Variants in RBFOX1 observed in about 807,000 individuals in gnomAD.
RBFOX1 encodes RNA binding protein fox-1 homolog 1.
A neutral mutation model predicts 57.7 loss-of-function variants in RBFOX1; 8 were observed. The ratio of observed to expected loss-of-function variants is 0.14; its 90% confidence interval spans 0.08 to 0.25. RBFOX1 has a LOEUF of 0.25. Ranked by LOEUF, RBFOX1 falls within the 10% of genes least tolerant of loss-of-function variation. The probability of loss-of-function intolerance (pLI) is 1.00; values close to 1 mark genes in which losing one functional copy is unlikely to be tolerated. For synonymous variants in RBFOX1, 326 were observed against 222.4 expected (o/e 1.47, Z -4.15); for missense variants, 611 against 548.5 (o/e 1.11, Z -1.14).
chr16:7,410,893 CTAA>C (rs1475358654), intron 4 of RBFOX1, among the ~76,000 whole-genome samples: 1 of 150,736 alleles, frequency 6.6e-6, no homozygotes, highest in African/African-American at 2.5e-5. Flanking sequence ...GTGGGGAGTA[CTAA>C]TAAGTTCCAT....
chr16:7,494,769 C>G (rs2068036530), intron 4 of RBFOX1, among the ~76,000 whole-genome samples: 1 of 150,424 alleles, frequency 6.6e-6, no homozygotes, highest in South Asian at 2.1e-4. Flanking sequence ...TTCCGAAACT[C>G]AGCAGAAGTT....
Position 5,884,348 on chromosome 16 carries a change from T to C in RBFOX1, c.351+17013T>C, listed in dbSNP as rs944045896. On this transcript the variant is annotated intron_variant, in intron 4 of 19. Coordinates refer to the RBFOX1 transcript ENST00000641259. Reference sequence around the variant, plus strand: ...TAAAAAATGATAGTGTGCTTTTGAGTCTGGCTTCCCAGACTAATTTCAGCT... The same window carrying C: ...TAAAAAATGATAGTGTGCTTTTGAGCCTGGCTTCCCAGACTAATTTCAGCT... 2.0e-5 allele frequency among the ~76,000 whole-genome samples: 3 copies of C among 152,136 alleles called. No homozygotes were observed. In the East Asian group the frequency reaches 5.8e-4, roughly 29 times the overall value.
chr16:6,802,736 C>G (rs1264545788), intron 3 of RBFOX1, among the ~76,000 whole-genome samples: 1 of 152,166 alleles, frequency 6.6e-6, no homozygotes, highest in African/African-American at 2.4e-5. Flanking sequence ...TTCATTTCGG[C>G]AAAAGCCATT....
At chr16:7,332,315 A>T (rs1243929663) in intron 4 of RBFOX1, among the ~76,000 whole-genome samples, 1 of 152,198 alleles carries the variant, frequency 6.6e-6, no homozygotes, top group Admixed American at 6.5e-5. Flanking sequence ...ACGTGTAAAT[A>T]ATTTAACTCT....
At chr16:5,567,635 C>CA (rs34858401) in intron 2 of RBFOX1, among the ~76,000 whole-genome samples, 21,951 of 63,074 alleles carry the variant, frequency 0.35, 5,783 homozygotes, top group East Asian at 0.48. Flanking sequence ...AGGTTATAGG[C>CA]AAAAAAAAAA....
At chr16:6,251,571 C>T (rs1006494594) in intron 1 of RBFOX1, among the ~76,000 whole-genome samples, 3 of 151,944 alleles carry the variant, frequency 2.0e-5, no homozygotes, top group Non-Finnish European at 2.9e-5. Context: ...AAAGCCTCCC[C>T]CTACCCCTTG....
chr16:5,976,860 C>G (rs903741171), intron 4 of RBFOX1, among the ~76,000 whole-genome samples: 3 of 152,152 alleles, frequency 2.0e-5, no homozygotes, highest in African/African-American at 7.2e-5. Context: ...CAGAGCAAGA[C>G]TCTGTCAATC....
At chr16:5,524,065 G>A (rs2044135046) in intron 2 of RBFOX1, among the ~76,000 whole-genome samples, 1 of 152,204 alleles carries the variant, frequency 6.6e-6, no homozygotes, top group Non-Finnish European at 1.5e-5. Context: ...AATTTAAAGG[G>A]TTTGTGGTTG....
rs55769867 is a variant in RBFOX1 at position 6,905,552 on chromosome 16, C to CAA, written c.-15-146492_-15-146491dup. Among the ~76,000 whole-genome samples the CAA allele has an allele frequency of 2.5e-3, 363 of 143,324 alleles. 1 individual carries two copies. Among genetic ancestry groups the CAA allele is most frequent in the Middle Eastern group, 7.1e-3 (2 of 280 alleles). The allele number at this position is 143,324 out of a possible 152,430, so 94.0% of individuals were successfully genotyped here. On this transcript the variant is annotated intron_variant, in intron 3 of 15. Transcript: ENST00000550418. The stretch of plus-strand genomic sequence containing the variant: ...TAGGGGACAGAGTTAGACTCCATCT[C>CAA]AAAAAAAAAAAAAAGTGTAGATGTT...
chr16:5,879,669 A>G (rs757555395), intron 4 of RBFOX1, among the ~76,000 whole-genome samples: 1 of 152,208 alleles, frequency 6.6e-6, no homozygotes, highest in African/African-American at 2.4e-5. Flanking sequence ...AGGAGAGGCT[A>G]AGCTATGCAA....
chr16:7,530,817 A>T (rs955035170), intron 5 of RBFOX1, among the ~76,000 whole-genome samples: 1 of 152,244 alleles, frequency 6.6e-6, no homozygotes, highest in African/African-American at 2.4e-5. Flanking sequence ...CTCAAGAGAC[A>T]GTAAGCCAGA....
intron 4 of RBFOX1, among the ~76,000 whole-genome samples, chr16:5,974,676 T>C (rs569790383): frequency 6.6e-6 from 1 of 152,078 alleles, no homozygotes; most frequent in East Asian, 2.0e-4. Context: ...AGGATTTCAT[T>C]AGTTGTAATT....
At chr16:6,487,028 C>A (rs563597944) in intron 2 of RBFOX1, among the ~76,000 whole-genome samples, 1 of 152,108 alleles carries the variant, frequency 6.6e-6, no homozygotes, top group Non-Finnish European at 1.5e-5. Context: ...TGGAAACCAT[C>A]GCATATTAAA....
intron 4 of RBFOX1, among the ~76,000 whole-genome samples, chr16:5,923,751 G>C (rs1348372873): frequency 1.3e-5 from 2 of 151,918 alleles, no homozygotes; most frequent in Non-Finnish European, 2.9e-5. Flanking sequence ...ATGTTGGCCA[G>C]ACTGGTCTCA....
At chr16:7,246,933 G>T (rs949968825) in intron 4 of RBFOX1, among the ~76,000 whole-genome samples, 2 of 152,040 alleles carry the variant, frequency 1.3e-5, no homozygotes, top group South Asian at 2.1e-4. Flanking sequence ...CCCATTTTAC[G>T]ACAGGGATGA....
chr16:7,052,524 G>A (rs35697347), intron 4 of RBFOX1, among the ~76,000 whole-genome samples: 7,736 of 152,224 alleles, frequency 0.051, 297 homozygotes, highest in Non-Finnish European at 0.079. Flanking sequence ...TGTCAAGGGC[G>A]TTTTCTGGGA....
intron 2 of RBFOX1, among the ~76,000 whole-genome samples, chr16:5,487,329 CCTT>C (rs1567152572): frequency 1.3e-5 from 2 of 152,124 alleles, no homozygotes; most frequent in Non-Finnish European, 2.9e-5. Flanking sequence ...GGAGCAGATG[CCTT>C]CTTCTTTTTC....
intron 3 of RBFOX1, among the ~76,000 whole-genome samples, chr16:6,780,412 A>G (rs1158834440): frequency 8.8e-6 from 1 of 113,268 alleles, no homozygotes; most frequent in African/African-American, 3.6e-5. Flanking sequence ...ATATATATTT[A>G]TATATATTTA....
At chr16:6,156,865 G>C (rs1053823937) in intron 1 of RBFOX1, among the ~76,000 whole-genome samples, 10 of 152,052 alleles carry the variant, frequency 6.6e-5, no homozygotes, top group Non-Finnish European at 1.3e-4. Context: ...TAAGAGACAG[G>C]GTCTTCTTAC....
Sources: allele counts gnomAD v4.1 joint callset (sites outside exome capture counted in the v4.1 genomes callset), GRCh38; gene constraint gnomAD v4.1.1; transcripts MANE v1.5; gene names NCBI Gene and HGNC (gene_info 2026-07-23, HGNC 2026-07-21).